NPSR1: variants seen among roughly 807,000 people sequenced by gnomAD.
The protein encoded by NPSR1 is neuropeptide S receptor.
Under a neutral mutation model 46.9 loss-of-function variants are expected in NPSR1, and 48 were observed. That is an observed-to-expected ratio of 1.02 (90% CI 0.81 to 1.30). The LOEUF (loss-of-function observed/expected upper bound fraction) is 1.30, where lower values mean the gene tolerates loss of function less well. NPSR1 is among the 50% of genes most tolerant of loss of function. The pLI is 0.00. For synonymous variants in NPSR1, 176 were observed against 168.1 expected, an observed-to-expected ratio of 1.05 and a Z score of -0.36; for missense variants, 450 against 449.5, an observed-to-expected ratio of 1.00 and a Z score of -0.01.
At chr7:34,855,079 T>C (rs1791020187) in intron 8 of NPSR1, among the ~76,000 whole-genome samples, 1 of 151,988 alleles carries the variant, frequency 6.6e-6, no homozygotes, top group South Asian at 2.1e-4. Context: ...TAGAAAACAA[T>C]TGTACTGAAT....
chr7:34,759,617 A>ATTT lies in NPSR1; in HGVS notation c.281-18845_281-18844insTTT, dbSNP rs1279923432. On this transcript the variant is annotated intron_variant, in intron 2 of 8. Coordinates refer to ENST00000360581, the MANE Select transcript of NPSR1 (RefSeq NM_207172.2). ...TCAGCCATCTCCAATGAGCCAAGTA[A>ATTT]AACCATGGCATATTTAAGAGAAAGG... Among the ~76,000 whole-genome samples, 1,086 of 152,248 alleles carry ATTT rather than the reference A, an allele frequency of 7.1e-3. 11 individuals carry two copies. The highest frequency in any genetic ancestry group is 0.025 in the African/African-American group (1,025 of 41,540).
intron 3 of NPSR1, among the ~76,000 whole-genome samples, chr7:34,785,138 CCAA>C (rs1407380866): frequency 5.9e-5 from 9 of 151,548 alleles, no homozygotes; most frequent in African/African-American, 2.2e-4. Context: ...ACCCAAATGT[CCAA>C]CAATGATAGA....
intron 3 of NPSR1, among the ~76,000 whole-genome samples, chr7:34,802,336 C>A (rs1788462686): frequency 1.3e-5 from 2 of 150,146 alleles, no homozygotes; most frequent in South Asian, 2.1e-4. Flanking sequence ...CTACAATAAC[C>A]AAAACAGCAT....
At position 34,848,752 on chromosome 7, in the gene NPSR1, C is replaced by A. The variant is rs186222567; in HGVS notation, c.1025+89C>A. On this transcript the variant is annotated intron_variant, in intron 8 of 8. Transcript: ENST00000360581. ...TGTGGGTTTCTCATGTCCAAACTCT[C>A]CAGCAGGTTACAGGATCCCCCTTTT... is the stretch of plus-strand genomic sequence containing the variant. The A allele has an allele frequency of 1.5e-4, 172 of 1,174,576 alleles. 1 individual carries two copies. In the East Asian group the frequency reaches 3.8e-3, roughly 26 times the overall value. 72.8% of individuals were successfully genotyped at this position (1,174,576 alleles called of 1,614,324 possible). A position where few individuals can be genotyped will look rare whatever the true frequency, so the allele number is the denominator to read the frequency against.
At chr7:34,764,432 A>G (rs1786331034) in intron 2 of NPSR1, among the ~76,000 whole-genome samples, 1 of 152,226 alleles carries the variant, frequency 6.6e-6, no homozygotes, top group Non-Finnish European at 1.5e-5. Context: ...TTTTATAAAT[A>G]AAGTTTTATT....
chr7:34,824,919 A>C (rs1789749552), intron 4 of NPSR1, among the ~76,000 whole-genome samples: 1 of 150,736 alleles, frequency 6.6e-6, no homozygotes, highest in Non-Finnish European at 1.5e-5. Flanking sequence ...TCTTCATCCC[A>C]CCCTGCTTCT....
At chr7:34,768,028 AT>A (rs1403666414) in intron 2 of NPSR1, among the ~76,000 whole-genome samples, 1 of 152,164 alleles carries the variant, frequency 6.6e-6, no homozygotes, top group Admixed American at 6.5e-5. Context: ...TCACAAAAAA[AT>A]GATAAATGCT....
intron 2 of NPSR1, among the ~76,000 whole-genome samples, chr7:34,735,530 T>C (rs1262927387): frequency 1.3e-5 from 2 of 152,218 alleles, no homozygotes; most frequent in Non-Finnish European, 2.9e-5. Flanking sequence ...CTCCAAAGAA[T>C]AAATTAAGTG....
chr7:34,870,867 CATGG>C (rs56324222), intron 8 of NPSR1, among the ~76,000 whole-genome samples: 45 of 145,748 alleles, frequency 3.1e-4, no homozygotes, highest in Middle Eastern at 3.4e-3. Flanking sequence ...AAGTGGGTAA[CATGG>C]ATGGATGGAT....
At chr7:34,672,268 T>C (rs1342002420) in intron 1 of NPSR1, among the ~76,000 whole-genome samples, 1 of 152,234 alleles carries the variant, frequency 6.6e-6, no homozygotes, top group Non-Finnish European at 1.5e-5. Context: ...ATTATGGGAA[T>C]TCAGATGGAA....
intron 4 of NPSR1, among the ~76,000 whole-genome samples, chr7:34,813,542 T>C (rs564955168): frequency 6.6e-6 from 1 of 152,310 alleles, no homozygotes; most frequent in African/African-American, 2.4e-5. Context: ...ATCCATATTG[T>C]ATGCTGAGTG....
chr7:34,788,067 G>A (rs911312392), intron 3 of NPSR1, among the ~76,000 whole-genome samples: 3 of 151,970 alleles, frequency 2.0e-5, no homozygotes, highest in Non-Finnish European at 2.9e-5. Flanking sequence ...GACAAAATGA[G>A]GTATATTTGT....
chr7:34,659,052 C>G (rs1156957784), intron 1 of NPSR1, among the ~76,000 whole-genome samples: 1 of 152,118 alleles, frequency 6.6e-6, no homozygotes, highest in African/African-American at 2.4e-5. Flanking sequence ...CATTAAACAT[C>G]AGTGAGGAAT....
downstream of NPSR1, among the ~76,000 whole-genome samples, chr7:34,853,563 G>C (rs899175954): frequency 1.3e-5 from 2 of 152,204 alleles, no homozygotes; most frequent in African/African-American, 4.8e-5. Context: ...GCAATTCCAG[G>C]CTTACAGAAT....
chr7:34,682,032 T>C (rs1298369510), intron 1 of NPSR1, among the ~76,000 whole-genome samples: 1 of 152,182 alleles, frequency 6.6e-6, no homozygotes, highest in African/African-American at 2.4e-5. Context: ...GGTTACATAA[T>C]TACCCTAGCC....
rs113535305 is a variant in NPSR1 at position 34,732,315 on chromosome 7, C to T, written c.281-46147C>T. 1.4e-3 allele frequency among the ~76,000 whole-genome samples: 214 copies of T among 152,226 alleles called. 3 individuals carry two copies. Among genetic ancestry groups the T allele is most frequent in the African/African-American group, 4.6e-3 (190 of 41,532 alleles). The stretch of plus-strand genomic sequence containing the variant: ...AATGCTGGAACAGGTCATGAGTGTA[C>T]CTTCTGCAAGAGGGGCCCAGCTCCC... On this transcript the variant is annotated intron_variant, in intron 2 of 8. Coordinates refer to ENST00000360581, the MANE Select transcript of NPSR1 (RefSeq NM_207172.2).
At chr7:34,875,707 G>A (rs1791558107) in intron 8 of NPSR1, among the ~76,000 whole-genome samples, 1 of 152,168 alleles carries the variant, frequency 6.6e-6, no homozygotes, top group Non-Finnish European at 1.5e-5. Context: ...AGGGACAGTG[G>A]CACTGTACAT....
chr7:34,663,157 C>T (rs1190383907), intron 1 of NPSR1, among the ~76,000 whole-genome samples: 1 of 151,342 alleles, frequency 6.6e-6, no homozygotes, highest in African/African-American at 2.4e-5. Context: ...GGGATCTGAG[C>T]AAGTTGGCAT....
intron 6 of NPSR1, among the ~76,000 whole-genome samples, chr7:34,840,399 T>C (rs185973426): frequency 3.9e-4 from 59 of 152,250 alleles, no homozygotes; most frequent in African/African-American, 1.4e-3. Context: ...AGGAAAACGC[T>C]GTGTGGTGGG....
Sources: gnomAD v4.1 joint callset for allele counts (sites outside exome capture counted in the v4.1 genomes callset) on GRCh38, gnomAD v4.1.1 for gene constraint, MANE v1.5 for transcripts, NCBI Gene and HGNC (gene_info 2026-07-23, HGNC 2026-07-21) for gene names.